The following MAGI2 variants were observed in gnomAD, a reference collection of about 807,000 sequenced individuals.
MAGI2 encodes the protein membrane associated guanylate kinase, WW and PDZ domain containing 2.
A neutral mutation model predicts 133.3 loss-of-function variants in MAGI2; 35 were observed. The ratio of observed to expected loss-of-function variants is 0.26; its 90% CI spans 0.20 to 0.35. The LOEUF is 0.35. Ranked by LOEUF, MAGI2 falls within the 10% of genes least tolerant of loss-of-function variation. The probability of loss-of-function intolerance (pLI) is 1.00; values close to 1 mark genes in which losing one functional copy is unlikely to be tolerated. For synonymous variants in MAGI2, 729 were observed against 710.6 expected, an observed-to-expected ratio of 1.03 and a Z score of -0.41; for missense variants, 1,636 against 1,863.4, an observed-to-expected ratio of 0.88 and a Z score of 2.25.
At chr7:78,973,846 G>T (rs1303097482) in intron 2 of MAGI2, among the ~76,000 whole-genome samples, 1 of 151,606 alleles carries the variant, frequency 6.6e-6, no homozygotes, top group East Asian at 2.0e-4. Context: ...GTCACCTTTG[G>T]CCCCTCCTCA....
intron 2 of MAGI2, among the ~76,000 whole-genome samples, chr7:79,005,703 T>C (rs1462519873): frequency 1.3e-5 from 2 of 152,202 alleles, no homozygotes; most frequent in Non-Finnish European, 2.9e-5. Flanking sequence ...TAAATTCACA[T>C]TGCTGCACTG....
chr7:78,212,474 G>C (rs1480098772), intron 10 of MAGI2, among the ~76,000 whole-genome samples: 3 of 152,204 alleles, frequency 2.0e-5, no homozygotes, highest in African/African-American at 7.2e-5. Flanking sequence ...TACGGGAAGG[G>C]TGTCACCGGC....
In MAGI2 at chr7:78,852,132, G is replaced by T. The variant is rs944808264; in HGVS notation, c.418+154958C>A. 2.0e-5 allele frequency among the ~76,000 whole-genome samples: 3 copies of T among 151,938 alleles called. No homozygotes were observed. The South Asian group carries it at 6.2e-4, about 32-fold the overall frequency. Reference sequence around the variant, plus strand: ...GGGGTTTATTTGTATTTATTATTCGGGGTTAATTTGTATTTCCTTAATTAC... The same window carrying T: ...GGGGTTTATTTGTATTTATTATTCGTGGTTAATTTGTATTTCCTTAATTAC... On this transcript the variant is annotated intron_variant, in intron 2 of 21. Coordinates refer to ENST00000354212, the MANE Select transcript of MAGI2 (RefSeq NM_012301.4).
intron 1 of MAGI2, among the ~76,000 whole-genome samples, chr7:79,199,411 A>G (rs1828389209): frequency 6.6e-6 from 1 of 152,016 alleles, no homozygotes; most frequent in Non-Finnish European, 1.5e-5. Flanking sequence ...AAGCTCAGTA[A>G]TTCTTCATGA....
At chr7:78,277,099 A>G (rs565057488) in intron 9 of MAGI2, among the ~76,000 whole-genome samples, 46 of 152,278 alleles carry the variant, frequency 3.0e-4, no homozygotes, top group Non-Finnish European at 4.1e-4. Flanking sequence ...TGTAACTTAC[A>G]TTAGTTTGAT....
chr7:78,192,568 G>A (rs147172065), intron 12 of MAGI2, among the ~76,000 whole-genome samples: 14 of 148,742 alleles, frequency 9.4e-5, no homozygotes, highest in African/African-American at 2.7e-4. Flanking sequence ...CAAGCAGAGC[G>A]AACTGATCAG....
At chr7:79,336,164 A>C (rs1263202856) in intron 1 of MAGI2, among the ~76,000 whole-genome samples, 1 of 152,138 alleles carries the variant, frequency 6.6e-6, no homozygotes, top group Non-Finnish European at 1.5e-5. Flanking sequence ...TACATAGGTC[A>C]TCTTATTTAA....
At chr7:78,923,790 G>A (rs1290318124) in intron 2 of MAGI2, among the ~76,000 whole-genome samples, 1 of 151,918 alleles carries the variant, frequency 6.6e-6, no homozygotes, top group Admixed American at 6.6e-5. Context: ...TGGGCAGTAT[G>A]GCCATTTTCA....
At chr7:79,445,361 C>T (rs1362506438) in intron 1 of MAGI2, among the ~76,000 whole-genome samples, 1 of 152,076 alleles carries the variant, frequency 6.6e-6, no homozygotes, top group African/African-American at 2.4e-5. Context: ...AAGAAACTAC[C>T]ATCAGAGTGA....
intron 2 of MAGI2, among the ~76,000 whole-genome samples, chr7:78,914,947 G>A (rs1158515387): frequency 3.3e-5 from 5 of 152,054 alleles, no homozygotes; most frequent in Admixed American, 6.6e-5. Flanking sequence ...TATCAGAATA[G>A]CGGGTAGAAA....
intron 2 of MAGI2, among the ~76,000 whole-genome samples, chr7:78,736,345 G>A (rs918548490): frequency 2.6e-5 from 4 of 152,098 alleles, no homozygotes; most frequent in Non-Finnish European, 4.4e-5. Context: ...CATTACTTTA[G>A]CGACGCTCTG....
chr7:78,433,898 C>T (rs1230088617), intron 6 of MAGI2, among the ~76,000 whole-genome samples: 1 of 152,074 alleles, frequency 6.6e-6, no homozygotes, highest in African/African-American at 2.4e-5. Flanking sequence ...AAATATGATA[C>T]AAATATAATC....
At chr7:78,896,432 T>C (rs1300075188) in intron 2 of MAGI2, among the ~76,000 whole-genome samples, 3 of 151,630 alleles carry the variant, frequency 2.0e-5, no homozygotes, top group African/African-American at 7.3e-5. Context: ...CTCCTCATTG[T>C]AAAATAATAT....
chr7:78,854,795 C>A (rs140282076), intron 2 of MAGI2, among the ~76,000 whole-genome samples: 330 of 151,962 alleles, frequency 2.2e-3, no homozygotes, highest in African/African-American at 7.7e-3. Context: ...GTATTTATTT[C>A]GATTCAGTAA....
intron 2 of MAGI2, among the ~76,000 whole-genome samples, chr7:78,909,568 A>G (rs1798248720): frequency 7.2e-6 from 1 of 139,314 alleles, no homozygotes; most frequent in Non-Finnish European, 1.5e-5. Context: ...ATGCCACTGC[A>G]CTCCAGCCTG....
At chr7:79,049,792 ACT>A (rs1812508741) in intron 1 of MAGI2, among the ~76,000 whole-genome samples, 1 of 141,552 alleles carries the variant, frequency 7.1e-6, no homozygotes, top group African/African-American at 2.6e-5. Context: ...AATTTCTGAG[ACT>A]CTGATTCTGT....
intron 1 of MAGI2, among the ~76,000 whole-genome samples, chr7:79,262,340 T>C (rs1834148117): frequency 6.6e-6 from 1 of 152,178 alleles, no homozygotes; most frequent in African/African-American, 2.4e-5. Flanking sequence ...TGTGAGACAC[T>C]AGACTCAAAG....
intron 1 of MAGI2, among the ~76,000 whole-genome samples, chr7:79,063,204 C>G (rs890530808): frequency 6.6e-6 from 1 of 152,062 alleles, no homozygotes; most frequent in African/African-American, 2.4e-5. Flanking sequence ...ATCTGCTCTT[C>G]CAACAGTGTG....
chr7:78,229,164 T>C (rs1418703435), intron 10 of MAGI2, among the ~76,000 whole-genome samples: 1 of 152,242 alleles, frequency 6.6e-6, no homozygotes, highest in East Asian at 1.9e-4. Flanking sequence ...AATGGTCTGT[T>C]AACTGGGGAC....
Sources: gnomAD v4.1 joint callset for allele counts (sites outside exome capture counted in the v4.1 genomes callset) on GRCh38, gnomAD v4.1.1 for gene constraint, MANE v1.5 for transcripts, NCBI Gene and HGNC (gene_info 2026-07-23, HGNC 2026-07-21) for gene names.